Variants in CFDP1 observed in about 807,000 individuals in gnomAD.
CFDP1 encodes heterochromatin-stabilizing protein CFDP1.
In CFDP1, 31 loss-of-function variants were observed where a neutral mutation model predicts 40.1. That is an observed-to-expected ratio of 0.77 (90% confidence interval 0.58 to 1.04). The LOEUF is 1.04. CFDP1 is among the 50% of genes least tolerant of loss of function. The pLI is 0.00. For missense variants in CFDP1, 423 were observed against 343.4 expected (o/e 1.23, Z -1.83); for synonymous variants, 167 against 120.0 (o/e 1.39, Z -2.56).
chr16:75,356,929 T>TG (rs2078648759), intron 5 of CFDP1, among the ~76,000 whole-genome samples: 1 of 141,362 alleles, frequency 7.1e-6, no homozygotes. Context: ...TTTTTTTTTT[T>TG]TTGAGACAGA....
At chr16:75,296,314 T>C (rs2078181744) in intron 6 of CFDP1, among the ~76,000 whole-genome samples, 1 of 152,188 alleles carries the variant, frequency 6.6e-6, no homozygotes, top group South Asian at 2.1e-4. Context: ...CACAGTTCAC[T>C]GCAGCCTCGA....
intron 5 of CFDP1, chr16:75,372,267 A>G (rs1597361155): frequency 6.6e-6 from 1 of 152,220 alleles, no homozygotes; most frequent in Non-Finnish European, 1.5e-5. Flanking sequence ...CAAATAATCA[A>G]AAAGAAAAAC....
intron 5 of CFDP1, among the ~76,000 whole-genome samples, chr16:75,380,569 A>G (rs77646740): frequency 6.6e-6 from 1 of 152,140 alleles, no homozygotes; most frequent in African/African-American, 2.4e-5. Flanking sequence ...AAAAAAAAAA[A>G]TCACATAACA....
At chr16:75,424,951 T>C (rs545312729) in intron 1 of CFDP1, among the ~76,000 whole-genome samples, 12 of 152,270 alleles carry the variant, frequency 7.9e-5, no homozygotes, top group African/African-American at 2.6e-4. Context: ...TCCCACAGAA[T>C]CTACAAAAAC....
At chr16:75,394,967 G>A in intron 5 of CFDP1, 123 bp downstream of exon 5, 3 of 1,207,306 alleles carry the variant, frequency 2.5e-6, no homozygotes, top group Non-Finnish European at 3.4e-6. Flanking sequence ...TGCAGCAAAG[G>A]CAAAGCAGCA....
intron 1 of CFDP1, among the ~76,000 whole-genome samples, chr16:75,417,001 T>A (rs887021594): frequency 2.0e-5 from 3 of 151,968 alleles, no homozygotes; most frequent in African/African-American, 7.2e-5. Flanking sequence ...TGAGACCCCA[T>A]ATCTAAAAAA....
intron 5 of CFDP1, among the ~76,000 whole-genome samples, chr16:75,318,616 G>A (rs1049224544): frequency 2.0e-5 from 3 of 152,080 alleles, no homozygotes; most frequent in Non-Finnish European, 4.4e-5. Context: ...GTGTTAGCCA[G>A]GATGGTCTCG....
chr16:75,347,657 T>A (rs1400701271), intron 5 of CFDP1, among the ~76,000 whole-genome samples: 1 of 151,560 alleles, frequency 6.6e-6, no homozygotes, highest in Non-Finnish European at 1.5e-5. Flanking sequence ...CCAGCCTGGG[T>A]GAAAGAGCGA....
intron 4 of CFDP1, among the ~76,000 whole-genome samples, chr16:75,409,052 T>C (rs1193576007): frequency 6.6e-6 from 1 of 150,938 alleles, no homozygotes; most frequent in Non-Finnish European, 1.5e-5. Context: ...AGAGACGGGG[T>C]TTCATCATGT....
At chr16:75,304,612 C>T (rs879604046) in intron 6 of CFDP1, among the ~76,000 whole-genome samples, 6 of 152,198 alleles carry the variant, frequency 3.9e-5, no homozygotes, top group Non-Finnish European at 7.3e-5. Flanking sequence ...CACAATAATG[C>T]AACATCTAGG....
chr16:75,321,079 C>G (rs146301022), intron 5 of CFDP1, among the ~76,000 whole-genome samples: 1 of 151,904 alleles, frequency 6.6e-6, no homozygotes, highest in African/African-American at 2.4e-5. Context: ...CACAGGCACA[C>G]GCCATCATGC....
intron 4 of CFDP1, among the ~76,000 whole-genome samples, chr16:75,406,148 G>A (rs1015846707): frequency 2.6e-5 from 4 of 152,044 alleles, no homozygotes; most frequent in African/African-American, 9.7e-5. Context: ...GCTAAGGCAG[G>A]AGGATCACTT....
intron 5 of CFDP1, among the ~76,000 whole-genome samples, chr16:75,371,276 A>G (rs2078749388): frequency 6.6e-6 from 1 of 152,238 alleles, no homozygotes; most frequent in Non-Finnish European, 1.5e-5. Context: ...GACACTGCCA[A>G]AAGTCCCCTA....
chr16:75,428,362 T>C (rs1339690119), intron 1 of CFDP1, among the ~76,000 whole-genome samples: 2 of 152,118 alleles, frequency 1.3e-5, no homozygotes, highest in Admixed American at 1.3e-4. Flanking sequence ...ACACCTGTAA[T>C]CCCAGCACTT....
intron 5 of CFDP1, among the ~76,000 whole-genome samples, chr16:75,309,671 T>A (rs964381174): frequency 1.1e-4 from 16 of 151,920 alleles, no homozygotes; most frequent in Admixed American, 9.8e-4. Context: ...ATACAAAAAA[T>A]TAGCCGGGCG....
chr16:75,394,497 C>T (rs1211124259), intron 5 of CFDP1, among the ~76,000 whole-genome samples: 3 of 152,022 alleles, frequency 2.0e-5, no homozygotes, highest in East Asian at 1.9e-4. Context: ...GAGTGTTCAT[C>T]GCAAATCTTC....
At chr16:75,299,471 T>C (rs2078207010) in intron 6 of CFDP1, among the ~76,000 whole-genome samples, 1 of 150,600 alleles carries the variant, frequency 6.6e-6, no homozygotes, top group South Asian at 2.1e-4. Context: ...GGCGGGCGCC[T>C]GTAGTCCCAG....
At chr16:75,388,518 A>C (rs1176295747) in intron 5 of CFDP1, among the ~76,000 whole-genome samples, 2 of 152,238 alleles carry the variant, frequency 1.3e-5, no homozygotes, top group Non-Finnish European at 2.9e-5. Context: ...GGACCACAAA[A>C]GGGCAAACCC....
At chr16:75,329,649 T>C (rs1387604855) in intron 5 of CFDP1, among the ~76,000 whole-genome samples, 9 of 152,236 alleles carry the variant, frequency 5.9e-5, no homozygotes. Flanking sequence ...GTTTTATCTC[T>C]GCTACTGTTG....
Sources: allele counts gnomAD v4.1 joint callset (sites outside exome capture counted in the v4.1 genomes callset), GRCh38; gene constraint gnomAD v4.1.1; transcripts MANE v1.5; gene names NCBI Gene and HGNC (gene_info 2026-07-23, HGNC 2026-07-21).